Variants in CRELD2 observed in about 807,000 individuals in gnomAD.
CRELD2 encodes CRELD disulfide isomerase 2.
Under a neutral mutation model 48.1 loss-of-function variants are expected in CRELD2, and 33 were observed. That is an observed-to-expected ratio of 0.69 (90% CI 0.52 to 0.92). The LOEUF (loss-of-function observed/expected upper bound fraction) is 0.92, where lower values mean the gene tolerates loss of function less well. Ranked by LOEUF, CRELD2 falls within the 40% of genes least tolerant of loss-of-function variation. The pLI is 0.00. For missense variants in CRELD2, 477 were observed against 482.4 expected (o/e 0.99, Z 0.10); for synonymous variants, 220 against 203.9 (o/e 1.08, Z -0.67).
intron 7 of CRELD2, chr22:49,923,681 C>T (rs755181186): frequency 4.7e-5 from 19 of 400,754 alleles, no homozygotes; most frequent in Middle Eastern, 7.6e-4. Flanking sequence ...TTCTCTGTCA[C>T]GCTAATGATT....
chr22:49,925,802 C>A (rs563213935), intron 9 of CRELD2: 3 of 1,298,760 alleles, frequency 2.3e-6, no homozygotes, highest in African/African-American at 3.0e-5. Flanking sequence ...AGGGGGAAGT[C>A]TCTGAAGCTC....
chr22:49,920,773 C>T (rs1469435159), intron 4 of CRELD2, among the ~76,000 whole-genome samples: 1 of 152,242 alleles, frequency 6.6e-6, no homozygotes, highest in East Asian at 1.9e-4. Context: ...AAGCCAATCT[C>T]GTGGTCAAGC....
At chr22:49,925,760 G>T in intron 9 of CRELD2, 5 of 1,399,702 alleles carry the variant, frequency 3.6e-6, no homozygotes, top group Admixed American at 3.2e-5. Flanking sequence ...GAAGCCCCAG[G>T]TTCACAGCTC....
At chr22:49,924,156 T>G (rs1260127187) in intron 7 of CRELD2, 2 of 497,558 alleles carry the variant, frequency 4.0e-6, no homozygotes, top group Non-Finnish European at 7.3e-6. Flanking sequence ...GTCTGCACCA[T>G]GGCTCTCCGG....
chr22:49,921,373 C>T lies in CRELD2; in HGVS notation c.416-212C>T, dbSNP rs2060685025. The T allele has an allele frequency of 8.6e-6, 5 of 579,490 alleles. No individual in the cohort carries two copies. In the South Asian group the frequency reaches 1.1e-4, roughly 13 times the overall value. The allele number at this position is 579,490 out of a possible 1,614,324, so 35.9% of individuals were successfully genotyped here. Reference sequence around the variant, plus strand: ...ATGCAGCACGTGGCCATAGTGAAGCCCAGGAGCCTGTGGCTTGCTCCACTC... The same window carrying T: ...ATGCAGCACGTGGCCATAGTGAAGCTCAGGAGCCTGTGGCTTGCTCCACTC... On this transcript the variant is annotated intron_variant, in intron 4 of 9. Coordinates refer to ENST00000328268, the MANE Select transcript of CRELD2 (RefSeq NM_024324.5).
At position 49,919,255 on chromosome 22, in the gene CRELD2, A is replaced by G; in HGVS notation, c.155A>G (p.Asn52Ser). ...NQGMVDTAKK[N>S]FGGGNTAWEE... The stretch of plus-strand genomic sequence containing the variant: ...GGGATGGTGGACACCGCAAAGAAGA[A>G]CTTTGGCGGCGGGAACACGGCTTGG... The change falls in exon 2 of 10, where the codon AAC becomes AGC. Residue 52 changes from asparagine to serine, a missense_variant. Physicochemically the swap from Asn to Ser is conservative, Grantham distance 46. Transcript: ENST00000328268. 5.0e-6 allele frequency: 8 copies of G among 1,613,682 alleles called. No individual in the cohort carries two copies. Among genetic ancestry groups the G allele is most frequent in the Non-Finnish European group, 6.8e-6 (8 of 1,179,960 alleles).
In CRELD2 at chr22:49,927,366, G is replaced by A; in HGVS notation, c.*59G>A. ...GATGTCCCGTGGAAAATGTGGCCCT[G>A]AGGATGCCGTCTCCTGCAGTGGACA... On this transcript the variant is annotated 3_prime_UTR_variant, in exon 10 of 10. Coordinates refer to ENST00000328268, the MANE Select transcript of CRELD2 (RefSeq NM_024324.5). 1 of 1,454,212 alleles carries A rather than the reference G, an allele frequency of 6.9e-7. No individual in the cohort carries two copies. The highest frequency in any genetic ancestry group is 1.7e-5 in the Admixed American group (1 of 59,748). The allele number at this position is 1,454,212 out of a possible 1,614,324, so 90.1% of individuals were successfully genotyped here. A position where few individuals can be genotyped will look rare whatever the true frequency, so the allele number is the denominator to read the frequency against.
chr22:49,922,889 GGAGCA>G (rs2060713658), intron 6 of CRELD2, among the ~76,000 whole-genome samples, 182 bp downstream of exon 6: 3 of 81,934 alleles, frequency 3.7e-5, no homozygotes, highest in African/African-American at 1.2e-4. Context: ...GAGGTGTGGG[GGAGCA>G]TGAGGTGGGG....
Position 49,922,854 on chromosome 22 carries a change from GTGGGGCTTGGGGTGT to G in CRELD2, c.688+148_688+162del, listed in dbSNP as rs2060711285. Reference sequence around the variant, plus strand: ...GGGGCGTGAGGTGGGGGCGTGAGGTGTGGGGCTTGGGGTGTGGGGGGCGTGAGGTGTGGGGGAGCA... The same window carrying G: ...GGGGCGTGAGGTGGGGGCGTGAGGTGGGGGGGCGTGAGGTGTGGGGGAGCA... On this transcript the variant is annotated intron_variant, in intron 6 of 9. Transcript: ENST00000328268. 2.5e-4 allele frequency: 42 copies of G among 165,866 alleles called. 4 individuals carry two copies. Among genetic ancestry groups the G allele is most frequent in the African/African-American group, 1.5e-3 (40 of 25,818 alleles). 10.3% of individuals were successfully genotyped at this position (165,866 alleles called of 1,614,324 possible).
At chr22:49,921,493 C>A in intron 4 of CRELD2, 92 bp from the exon 5 acceptor site, 1 of 1,323,850 alleles carries the variant, frequency 7.6e-7, no homozygotes, top group Non-Finnish European at 1.0e-6. Flanking sequence ...CAGAATCGTA[C>A]AGGGTTTGGG....
At chr22:49,924,239 C>G (rs2060733599) in intron 7 of CRELD2, 121 bp from the exon 8 acceptor site, 2 of 637,704 alleles carry the variant, frequency 3.1e-6, no homozygotes, top group Admixed American at 2.4e-5. Flanking sequence ...TATAAAGTCA[C>G]TTGGTGATGA....
intron 9 of CRELD2, 150 bp from the exon 10 acceptor site, chr22:49,927,105 G>T (rs907652276): frequency 6.5e-5 from 47 of 717,878 alleles, no homozygotes; most frequent in Middle Eastern, 3.9e-4. Context: ...GGAAACGGGG[G>T]TCTCCGAGCT....
At chr22:49,921,059 G>A (rs923033927) in intron 4 of CRELD2, among the ~76,000 whole-genome samples, 12 of 140,832 alleles carry the variant, frequency 8.5e-5, no homozygotes, top group Admixed American at 2.1e-4. Flanking sequence ...ATCACAGCGT[G>A]CACTCCACAC....
At chr22:49,920,037 C>T in intron 3 of CRELD2, 119 bp from the exon 4 acceptor site, 2 of 788,422 alleles carry the variant, frequency 2.5e-6, no homozygotes, top group South Asian at 3.2e-5. Context: ...TCTGTCCACA[C>T]CTAGACTCTT....
Position 49,919,228 on chromosome 22 carries a change from A to G in CRELD2, c.130-2A>G, listed in dbSNP as rs759532102. 6.2e-7 allele frequency: 1 copy of G among 1,613,586 alleles called. No individual in the cohort carries two copies. Among genetic ancestry groups the G allele is most frequent in the Non-Finnish European group, 8.5e-7 (1 of 1,179,936 alleles). ...AGCACTATGGGCACTGTCTCCTCGC[A>G]GGGGATGGTGGACACCGCAAAGAAG... On this transcript the variant is annotated splice_acceptor_variant, in intron 1 of 9. Coordinates refer to ENST00000328268, the MANE Select transcript of CRELD2 (RefSeq NM_024324.5). LOFTEE classifies it high-confidence loss of function.
At chr22:49,920,304 T>C (rs2060671241) in intron 4 of CRELD2, 57 bp downstream of exon 4, 5 of 1,260,862 alleles carry the variant, frequency 4.0e-6, no homozygotes, top group Non-Finnish European at 5.7e-6. Context: ...CTTCTTCTCA[T>C]GATTCTTGGG....
chr22:49,921,411 G>A (rs910312669), intron 4 of CRELD2, 174 bp from the exon 5 acceptor site: 14 of 678,812 alleles, frequency 2.1e-5, no homozygotes, highest in Admixed American at 3.1e-5. Context: ...GCGATCCACC[G>A]CCAGCCCTGC....
At chr22:49,919,622 C>T (rs1408539214) in intron 2 of CRELD2, 108 bp from the exon 3 acceptor site, 9 of 771,688 alleles carry the variant, frequency 1.2e-5, no homozygotes, top group East Asian at 2.7e-5. Context: ...TCTCTGTGCC[C>T]GGAGTCCTGG....
intron 7 of CRELD2, chr22:49,923,842 C>T (rs2060729103): frequency 3.7e-6 from 1 of 270,584 alleles, no homozygotes; most frequent in Admixed American, 5.1e-5. Context: ...ATCGCTCAGT[C>T]AAGGGAATGT....
Sources: gnomAD v4.1 joint callset for allele counts (sites outside exome capture counted in the v4.1 genomes callset) on GRCh38, gnomAD v4.1.1 for gene constraint, MANE v1.5 for transcripts, NCBI Gene and HGNC (gene_info 2026-07-23, HGNC 2026-07-21) for gene names.